The following PTK7 variants were observed in gnomAD, a reference collection of about 807,000 sequenced individuals.
PTK7 encodes the protein protein tyrosine kinase 7 (inactive).
PTK7 carries 39 observed loss-of-function variants against 116.6 expected under a neutral mutation model. The ratio of observed to expected loss-of-function variants is 0.33; its 90% CI spans 0.26 to 0.44. PTK7 has a LOEUF of 0.44. Among genes scored for constraint, PTK7 ranks in the 20% least tolerant of loss-of-function variants. PTK7 has a pLI of 1.00. For synonymous variants in PTK7, 546 were observed against 563.6 expected (o/e 0.97, Z 0.44); for missense variants, 1,169 against 1,425.6 (o/e 0.82, Z 2.90).
chr6:43,118,641 CTCTCTCTCTCTCTCTCTCTA>C (rs1279713675), intron 1 of PTK7, among the ~76,000 whole-genome samples: 2 of 83,350 alleles, frequency 2.4e-5, no homozygotes, highest in Admixed American at 1.3e-4. Flanking sequence ...CTCTCTCTCT[CTCTCTCTCTCTCTCTCTCTA>C]TATATATATA....
intron 7 of PTK7, among the ~76,000 whole-genome samples, chr6:43,137,101 C>T (rs1420729797): frequency 1.3e-5 from 2 of 152,172 alleles, no homozygotes; most frequent in East Asian, 3.8e-4. Context: ...TTATAACTAT[C>T]ATTGCAAGCA....
intron 1 of PTK7, among the ~76,000 whole-genome samples, chr6:43,128,023 T>G (rs892419448): frequency 8.5e-5 from 13 of 152,130 alleles, no homozygotes; most frequent in Non-Finnish European, 1.3e-4. Flanking sequence ...AGTGATGGGT[T>G]GGGTTTTTTC....
Position 43,143,554 on chromosome 6 carries a change from C to T in PTK7, c.2185C>T (p.Arg729Cys), listed in dbSNP as rs774952475. The change falls in exon 14 of 20, where the codon CGC (arginine) becomes TGC (cysteine). Residue 729 changes from arginine to cysteine, a missense_variant. Physicochemically the swap from Arg to Cys is radical, Grantham distance 180 (BLOSUM62 -3). Around this residue, in one of 3 missense-constraint regions of PTK7, gnomAD observed 678 missense variants for 853.8 expected, o/e 0.79. Coordinates refer to ENST00000230419, the MANE Select transcript of PTK7 (RefSeq NM_002821.5). This position sits in a 1 kb window ranked among gnomAD's most constrained non-coding sequence, Gnocchi z 4.2. ...VLGLMFYCKK[R>C]CKAKRLQKQP... The stretch of plus-strand genomic sequence containing the variant: ...GGGCCTCATGTTCTACTGCAAGAAG[C>T]GCTGCAAAGCCAAGCGGCTGCAGAA... 10 of 1,613,796 alleles carry T rather than the reference C, an allele frequency of 6.2e-6. No homozygotes were observed. Among genetic ancestry groups the T allele is most frequent in the South Asian group, 4.4e-5 (4 of 91,070 alleles).
chr6:43,124,218 A>G (rs1228597896), intron 1 of PTK7, among the ~76,000 whole-genome samples: 2 of 152,190 alleles, frequency 1.3e-5, no homozygotes, highest in Admixed American at 1.3e-4. Context: ...ACCTTGAGGC[A>G]GGTACCACCT....
chr6:43,098,565 A>C (rs1319890536), intron 1 of PTK7, among the ~76,000 whole-genome samples: 1 of 152,042 alleles, frequency 6.6e-6, no homozygotes, highest in Non-Finnish European at 1.5e-5. Flanking sequence ...CGTGTTGTCT[A>C]GGCTGGTCTC....
At chr6:43,142,462 G>T (rs757174292) in intron 13 of PTK7, 163 bp downstream of exon 13, 77 of 1,116,426 alleles carry the variant, frequency 6.9e-5, no homozygotes, top group Middle Eastern at 1.9e-4. Context: ...TAGAGTCCTT[G>T]CTCAGAGCCG....
chr6:43,131,831 G>C lies in PTK7; in HGVS notation c.813-185G>C, dbSNP rs551763252. 397 of 737,670 alleles carry C rather than the reference G, an allele frequency of 5.4e-4. 2 individuals are homozygous for C. The highest frequency in any genetic ancestry group is 1.5e-3 in the Middle Eastern group (4 of 2,622). 45.7% of individuals were successfully genotyped at this position (737,670 alleles called of 1,614,324 possible). ...CTGTAGTTGGAACACACACCTGCAC[G>C]TGCACCTGAGCAAGTGTATGCAGGC... On this transcript the variant is annotated intron_variant, in intron 5 of 19. Transcript: ENST00000230419.
intron 17 of PTK7, among the ~76,000 whole-genome samples, chr6:43,156,228 CAAAAAAAAAAAAA>C (rs5875828): frequency 4.2e-5 from 2 of 47,298 alleles, no homozygotes; most frequent in African/African-American, 1.7e-4. Context: ...TACCCTGTCT[CAAAAAAAAAAAAA>C]AAAAAAAAAA....
intron 17 of PTK7, among the ~76,000 whole-genome samples, chr6:43,157,364 A>ATATATTTTTTTT (rs70990168): frequency 3.7e-5 from 2 of 54,362 alleles, no homozygotes; most frequent in African/African-American, 7.2e-5. Context: ...ATATATATAT[A>ATATATTTTTTTT]TTTTTTTTTT....
Position 43,129,449 on chromosome 6 carries a change from T to G in PTK7, c.367+185T>G, listed in dbSNP as rs1054869198. The G allele has an allele frequency of 2.1e-6, 2 of 956,414 alleles. No individual in the cohort carries two copies. The highest frequency in any genetic ancestry group is 3.3e-5 in the African/African-American group (2 of 60,160). 59.2% of individuals were successfully genotyped at this position (956,414 alleles called of 1,614,324 possible). On this transcript the variant is annotated intron_variant, in intron 2 of 19. Coordinates refer to ENST00000230419, the MANE Select transcript of PTK7 (RefSeq NM_002821.5). The surrounding 1 kb of genome is among the most constrained non-coding windows in gnomAD (Gnocchi z 4.5). ...ATTAAAAGTTATATTTTTTCCAAAA[T>G]TTTTTCCTTCAAGTCTGGGACCCAT...
rs1467819320 is a variant in PTK7, at chr6:43,143,213, C to G, written c.2048-204C>G. 1.8e-6 allele frequency: 1 copy of G among 564,160 alleles called. No homozygotes were observed. The highest frequency in any genetic ancestry group is 3.2e-5 in the Admixed American group (1 of 30,970). The allele number at this position is 564,160 out of a possible 1,614,324, so 34.9% of individuals were successfully genotyped here. ...TCCGATGCAAAGCCAGCTTGGGAAC[C>G]CCTGGCCTCATCTCCTTCAGAGTCT... On this transcript the variant is annotated intron_variant, in intron 13 of 19. Coordinates refer to ENST00000230419, the MANE Select transcript of PTK7 (RefSeq NM_002821.5). This position sits in a 1 kb window ranked among gnomAD's most constrained non-coding sequence, Gnocchi z 4.2.
Position 43,130,356 on chromosome 6 carries a change from C to G in PTK7, c.597C>G (p.Ser199=). 6.2e-7 allele frequency: 1 copy of G among 1,612,026 alleles called. No individual in the cohort carries two copies. Among genetic ancestry groups the G allele is most frequent in the African/African-American group, 1.3e-5 (1 of 75,040 alleles). Residue 199 remains serine, a synonymous_variant, in exon 4 of 20, where the codon TCC becomes TCG. Transcript: ENST00000230419. Reference sequence around the variant, plus strand: ...GTCCTGAGCATAGTGGGCTGTATTCCTGCTGCGCCCACAGTGCTTTTGGCC... The same window carrying G: ...GTCCTGAGCATAGTGGGCTGTATTCGTGCTGCGCCCACAGTGCTTTTGGCC... ...PAGPEHSGLY[S]CCAHSAFGQA...
At chr6:43,122,207 T>C (rs934833217) in intron 1 of PTK7, among the ~76,000 whole-genome samples, 21 of 152,148 alleles carry the variant, frequency 1.4e-4, no homozygotes, top group African/African-American at 5.1e-4. Context: ...TCCAGAGTTA[T>C]CAGTCAGATC....
chr6:43,126,022 A>T (rs2150422527), intron 1 of PTK7, among the ~76,000 whole-genome samples: 1 of 152,248 alleles, frequency 6.6e-6, no homozygotes, highest in East Asian at 1.9e-4. Flanking sequence ...TGTGGGTCAA[A>T]GATCCTAGGA....
In PTK7 at chr6:43,132,029, C is replaced by T. The variant is rs374009568; in HGVS notation, c.826C>T (p.Arg276Cys). The change falls in exon 6 of 20, where the codon CGC becomes TGC. Residue 276 changes from arginine to cysteine, a missense_variant. Physicochemically the swap from Arg to Cys is radical, Grantham distance 180. Coordinates refer to ENST00000230419, the MANE Select transcript of PTK7 (RefSeq NM_002821.5). ...ITNRSRPPHL[R>C]RATVFANGSL... ...TCCCCTCTGCAGCCCCCCACACCTC[C>T]GCAGAGCCACAGTGTTTGCCAACGG... is the stretch of plus-strand genomic sequence containing the variant. The T allele has an allele frequency of 5.0e-6, 8 of 1,613,964 alleles. No homozygotes were observed. Among genetic ancestry groups the T allele is most frequent in the East Asian group, 2.2e-5 (1 of 44,900 alleles).
chr6:43,109,791 C>T (rs934637560), intron 1 of PTK7, among the ~76,000 whole-genome samples: 6 of 149,890 alleles, frequency 4.0e-5, no homozygotes, highest in Admixed American at 6.6e-5. Context: ...CTCTGCCTCC[C>T]GGGTTCACAC....
intron 17 of PTK7, among the ~76,000 whole-genome samples, chr6:43,152,734 T>TTATGTTATGTTATG (rs1771193942): frequency 6.9e-6 from 1 of 144,060 alleles, no homozygotes; most frequent in African/African-American, 2.6e-5. Flanking sequence ...TTTTATTTTA[T>TTATGTTATGTTATG]TTATGTTATG....
At chr6:43,134,181 G>C (rs1390694006) in intron 7 of PTK7, among the ~76,000 whole-genome samples, 2 of 152,154 alleles carry the variant, frequency 1.3e-5, no homozygotes, top group East Asian at 3.9e-4. Context: ...TGGGTTTAAA[G>C]GTGTGTGCCA....
intron 7 of PTK7, chr6:43,133,005 A>C (rs1582165475): frequency 2.0e-6 from 1 of 488,906 alleles, no homozygotes; most frequent in Non-Finnish European, 3.6e-6. Context: ...GATGGTAGCA[A>C]ATCACCCACC....
Sources: allele counts gnomAD v4.1 joint callset (sites outside exome capture counted in the v4.1 genomes callset), GRCh38; gene constraint gnomAD v4.1.1; regional missense constraint gnomAD v4.1.1; non-coding constraint Gnocchi (gnomAD v3.1); transcripts MANE v1.5; gene names NCBI Gene and HGNC (gene_info 2026-07-23, HGNC 2026-07-21).